The following FSTL4 variants were observed in gnomAD, a reference collection of about 807,000 sequenced individuals.
FSTL4 encodes the protein follistatin-related protein 4.
FSTL4 carries 28 observed loss-of-function variants against 78.2 expected under a neutral mutation model. The ratio of observed to expected loss-of-function variants is 0.36; its 90% CI spans 0.27 to 0.49. The LOEUF (loss-of-function observed/expected upper bound fraction) is 0.49. Ranked by LOEUF, FSTL4 falls within the 20% of genes least tolerant of loss-of-function variation. The pLI, the probability that FSTL4 is intolerant of heterozygous loss-of-function variation, is 0.98. For synonymous variants in FSTL4, 422 were observed against 440.5 expected (o/e 0.96, Z 0.53); for missense variants, 922 against 1,084.9 (o/e 0.85, Z 2.11).
At chr5:133,452,571 T>C in intron 3 of FSTL4, among the ~76,000 whole-genome samples, 1 of 150,920 alleles carries the variant, frequency 6.6e-6, no homozygotes, top group East Asian at 1.9e-4. Flanking sequence ...TGCACATGTA[T>C]TAACTCATTT....
At chr5:133,224,151 GTGA>G in intron 11 of FSTL4, 36 bp downstream of exon 11, 6 of 1,581,020 alleles carry the variant, frequency 3.8e-6, no homozygotes, top group Non-Finnish European at 4.3e-6. Flanking sequence ...CCAAACACAC[GTGA>G]TCACAGGCAT....
chr5:133,570,138 G>C (rs1391688783), intron 2 of FSTL4, among the ~76,000 whole-genome samples: 23 of 151,640 alleles, frequency 1.5e-4, no homozygotes. Context: ...GAACCCGGGA[G>C]GTGGAGCTTG....
At chr5:133,329,432 T>G (rs1165963800) in intron 4 of FSTL4, among the ~76,000 whole-genome samples, 2 of 152,224 alleles carry the variant, frequency 1.3e-5, no homozygotes, top group African/African-American at 4.8e-5. Flanking sequence ...AAGTATTAAC[T>G]TACACACCTG....
At chr5:133,246,649 C>T (rs573917266) in intron 7 of FSTL4, 4 of 152,316 alleles carry the variant, frequency 2.6e-5, no homozygotes, top group African/African-American at 9.6e-5. Flanking sequence ...CCTCCGTCCC[C>T]ACTGCGAGCA....
chr5:133,482,573 C>A (rs977093217), intron 3 of FSTL4, among the ~76,000 whole-genome samples: 6 of 152,326 alleles, frequency 3.9e-5, no homozygotes, highest in South Asian at 2.1e-4. Context: ...AGAGAACTAG[C>A]CAGGCCACCC....
chr5:133,750,942 C>A, the FSTL4 span, among the ~76,000 whole-genome samples: 1 of 152,116 alleles, frequency 6.6e-6, no homozygotes, highest in Non-Finnish European at 1.5e-5. Context: ...GCAGCCTCCC[C>A]CACCCAGTAC....
At chr5:133,511,849 G>A (rs1361013722) in intron 3 of FSTL4, among the ~76,000 whole-genome samples, 1 of 152,108 alleles carries the variant, frequency 6.6e-6, no homozygotes, top group Non-Finnish European at 1.5e-5. Flanking sequence ...ATGGTGGGTG[G>A]AGCAGGCAGA....
chr5:133,208,143 A>C (rs1750585534), intron 14 of FSTL4: 1 of 152,096 alleles, frequency 6.6e-6, no homozygotes, highest in African/African-American at 2.4e-5. Flanking sequence ...ATCTCTGTCC[A>C]CCTTGATGTC....
At chr5:133,405,311 A>G (rs1756332226) in intron 3 of FSTL4, among the ~76,000 whole-genome samples, 1 of 152,228 alleles carries the variant, frequency 6.6e-6, no homozygotes, top group Admixed American at 6.5e-5. Context: ...GCAGAAGACC[A>G]GAGGCAGTGT....
At chr5:133,504,637 A>G (rs1229787404) in intron 3 of FSTL4, among the ~76,000 whole-genome samples, 1 of 152,132 alleles carries the variant, frequency 6.6e-6, no homozygotes, top group South Asian at 2.1e-4. Context: ...ACCTTGTCCC[A>G]TGTATCCCCT....
At chr5:133,728,369 C>T in the FSTL4 span, among the ~76,000 whole-genome samples, 6 of 152,188 alleles carry the variant, frequency 3.9e-5, no homozygotes, top group East Asian at 3.9e-4. Flanking sequence ...GTGGTTAGTA[C>T]GCCTGGAGAT....
the FSTL4 span, among the ~76,000 whole-genome samples, chr5:133,752,323 G>A: frequency 6.6e-6 from 1 of 152,218 alleles, no homozygotes; most frequent in Admixed American, 6.5e-5. Context: ...GTGAGAGAGA[G>A]GGCAGCAAAG....
chr5:133,720,001 G>A, the FSTL4 span, among the ~76,000 whole-genome samples: 1 of 152,158 alleles, frequency 6.6e-6, no homozygotes, highest in African/African-American at 2.4e-5. Flanking sequence ...CATTATGGGA[G>A]AACTGGCTTC....
At chr5:133,739,926 T>C in the FSTL4 span, among the ~76,000 whole-genome samples, 1 of 150,774 alleles carries the variant, frequency 6.6e-6, no homozygotes, top group African/African-American at 2.5e-5. Context: ...AGTGTCTTGC[T>C]TTATCACCCA....
chr5:133,798,130 G>A, the FSTL4 span, among the ~76,000 whole-genome samples: 46 of 152,186 alleles, frequency 3.0e-4, no homozygotes, highest in African/African-American at 8.7e-4. Flanking sequence ...CTGTGAGCAC[G>A]GGCCCATCCC....
At chr5:133,565,435 G>A (rs1760005804) in intron 3 of FSTL4, among the ~76,000 whole-genome samples, 1 of 152,084 alleles carries the variant, frequency 6.6e-6, no homozygotes, top group African/African-American at 2.4e-5. Flanking sequence ...TACAGCACTG[G>A]GCTATTTCAG....
intron 3 of FSTL4, among the ~76,000 whole-genome samples, chr5:133,474,883 T>C (rs2112852159): frequency 6.6e-6 from 1 of 152,318 alleles, no homozygotes; most frequent in South Asian, 2.1e-4. Flanking sequence ...GGCACCCACT[T>C]CCTCCCGGTG....
the FSTL4 span, among the ~76,000 whole-genome samples, chr5:133,759,723 A>G: frequency 1.3e-5 from 2 of 152,180 alleles, no homozygotes; most frequent in Non-Finnish European, 2.9e-5. Flanking sequence ...ATGCCGTGGG[A>G]TATTTTAGAT....
chr5:133,280,823 C>T (rs1581590003), intron 6 of FSTL4, among the ~76,000 whole-genome samples: 1 of 152,226 alleles, frequency 6.6e-6, no homozygotes, highest in Non-Finnish European at 1.5e-5. Flanking sequence ...ACAGCAAGCG[C>T]CTCCCTGTCT....
Sources: allele counts gnomAD v4.1 joint callset (sites outside exome capture counted in the v4.1 genomes callset), GRCh38; gene constraint gnomAD v4.1.1; transcripts MANE v1.5; gene names NCBI Gene and HGNC (gene_info 2026-07-23, HGNC 2026-07-21).